PPP1R3B: variants seen among roughly 807,000 people sequenced by gnomAD.
PPP1R3B encodes PP1 subunit R4.
In PPP1R3B, 8 loss-of-function variants were observed where a neutral mutation model predicts 14.6. That is an observed-to-expected ratio of 0.55 (90% CI 0.32 to 0.99). PPP1R3B has a LOEUF of 0.99. Among genes scored for constraint, PPP1R3B ranks in the 50% least tolerant of loss-of-function variants. The pLI, the probability that PPP1R3B is intolerant of heterozygous loss-of-function variation, is 0.04. For synonymous variants in PPP1R3B, 169 were observed against 142.0 expected (o/e 1.19, Z -1.35); for missense variants, 452 against 360.1 (o/e 1.26, Z -2.07).
chr8:9,147,845 A>T (rs1251674245), intron 1 of PPP1R3B, among the ~76,000 whole-genome samples: 1 of 152,086 alleles, frequency 6.6e-6, no homozygotes, highest in Non-Finnish European at 1.5e-5. Context: ...TTCTTCCATG[A>T]AAGGCAAAAG....
intron 1 of PPP1R3B, among the ~76,000 whole-genome samples, chr8:9,143,328 G>GA (rs71280798): frequency 0.036 from 5,530 of 152,268 alleles, 117 homozygotes; most frequent in Non-Finnish European, 0.053. Context: ...AAGATACTGG[G>GA]ATTCAATAGT....
chr8:9,141,625 T>G lies in PPP1R3B; in HGVS notation c.27A>C (p.Arg9Ser). The change falls in exon 2 of 2, where the codon AGA becomes AGC. Residue 9 changes from arginine to serine, a missense_variant. By Grantham distance (110) the Arg-to-Ser change is moderately radical (BLOSUM62 -1). Coordinates refer to ENST00000310455, the MANE Select transcript of PPP1R3B (RefSeq NM_024607.4). MMAVDIEYRYNCMAPSLRQ... is the reference protein window; with the variant it reads MMAVDIEYSYNCMAPSLRQ... ...GCAAGGAAGGAGCCATGCAGTTGTATCTGTACTCGATGTCCACAGCCATCA... is the reference window on the plus strand; with the variant it reads ...GCAAGGAAGGAGCCATGCAGTTGTAGCTGTACTCGATGTCCACAGCCATCA... The G allele has an allele frequency of 6.2e-7, 1 of 1,613,796 alleles. No individual in the cohort carries two copies. The highest frequency in any genetic ancestry group is 8.5e-7 in the Non-Finnish European group (1 of 1,179,960).
rs1800923065 is a variant in PPP1R3B at position 9,137,417 on chromosome 8, G to C, written c.*3377C>G. The stretch of plus-strand genomic sequence containing the variant: ...CTGGGAAAGATTCTGGGACTCGGGG[G>C]CCACTTGTAACCATAACCAAGAGCT... On this transcript the variant is annotated 3_prime_UTR_variant, in exon 2 of 2. Transcript: ENST00000310455. 6.6e-6 allele frequency: 1 copy of C among 152,160 alleles called. No homozygotes were observed. Among genetic ancestry groups the C allele is most frequent in the Non-Finnish European group, 1.5e-5 (1 of 68,040 alleles). The allele number at this position is 152,160 out of a possible 1,614,324, so 9.4% of individuals were successfully genotyped here.
At chr8:9,141,881 G>C (rs1490029367) in intron 1 of PPP1R3B, 1 of 133,810 alleles carries the variant, frequency 7.5e-6, no homozygotes. Context: ...GCGGTGGGGG[G>C]TGGGGGGTGC....
rs1801025549 is a variant in PPP1R3B, at chr8:9,140,174, T to A, written c.*620A>T. The A allele has an allele frequency of 6.4e-6, 1 of 156,194 alleles. No homozygotes were observed. The highest frequency in any genetic ancestry group is 2.4e-5 in the African/African-American group (1 of 41,626). 9.7% of individuals were successfully genotyped at this position (156,194 alleles called of 1,614,324 possible). On this transcript the variant is annotated 3_prime_UTR_variant, in exon 2 of 2. Transcript: ENST00000310455. ...CACTAACTAATTTGCCTTTATTATCTTTTCCTGAACATCAGATCAATTGTG... is the reference window on the plus strand; with the variant it reads ...CACTAACTAATTTGCCTTTATTATCATTTCCTGAACATCAGATCAATTGTG...
At chr8:9,148,255 ATGAAAATGATCG>A (rs1182950591) in intron 1 of PPP1R3B, among the ~76,000 whole-genome samples, 1 of 152,190 alleles carries the variant, frequency 6.6e-6, no homozygotes, top group Non-Finnish European at 1.5e-5. Flanking sequence ...TACAAATGAC[ATGAAAATGATCG>A]GTTCCAACAC....
At position 9,141,065 on chromosome 8, in the gene PPP1R3B, A is replaced by T; in HGVS notation, c.587T>A (p.Ile196Asn). The T allele has an allele frequency of 6.2e-7, 1 of 1,614,166 alleles. No individual in the cohort carries two copies. The change falls in exon 2 of 2, where the codon ATC (isoleucine) becomes AAC (asparagine). Residue 196 changes from isoleucine (I) to asparagine (N), a missense_variant. Transcript: ENST00000310455. Reference sequence around the variant, plus strand: ...AGACTGAATCTTCTCGGGCAAGCTGATGTCGAAGGAGAACGTGTCCCTGTC... The same window carrying T: ...AGACTGAATCTTCTCGGGCAAGCTGTTGTCGAAGGAGAACGTGTCCCTGTC... Reference protein sequence around the residue: ...GSDRDTFSFDISLPEKIQSYE... With the variant: ...GSDRDTFSFDNSLPEKIQSYE...
Position 9,140,936 on chromosome 8 carries a change from G to C in PPP1R3B, c.716C>G (p.Ser239Cys), listed in dbSNP as rs781544006. The C allele has an allele frequency of 6.2e-7, 1 of 1,614,226 alleles. No homozygotes were observed. Among genetic ancestry groups the C allele is most frequent in the Non-Finnish European group, 8.5e-7 (1 of 1,180,030 alleles). The change falls in exon 2 of 2, where the codon TCT (serine) becomes TGT (cysteine). Residue 239 changes from serine (S) to cysteine (C), a missense_variant. Physicochemically the swap from Ser to Cys is moderately radical, Grantham distance 112. Transcript: ENST00000310455. Reference sequence around the variant, plus strand: ...GTGGGGCTTGGTCATTCCCTGGGTAGATTTTAACTCAGCCCGGATGATCCT... The same window carrying C: ...GTGGGGCTTGGTCATTCCCTGGGTACATTTTAACTCAGCCCGGATGATCCT... ...NYRIIRAELK[S>C]TQGMTKPHSG...
chr8:9,142,700 C>T (rs1432039824), intron 1 of PPP1R3B, among the ~76,000 whole-genome samples: 1 of 152,118 alleles, frequency 6.6e-6, no homozygotes, highest in Non-Finnish European at 1.5e-5. Context: ...GGTAGCCACC[C>T]CTGTACTCTC....
At chr8:9,147,086 GAT>G (rs1328690349) in intron 1 of PPP1R3B, among the ~76,000 whole-genome samples, 1 of 151,834 alleles carries the variant, frequency 6.6e-6, no homozygotes, top group Admixed American at 6.6e-5. Flanking sequence ...GGGTTCAAGC[GAT>G]TCTCCTGCCT....
Position 9,141,209 on chromosome 8 carries a change from G to A in PPP1R3B, c.443C>T (p.Thr148Ile), listed in dbSNP as rs773965543. 3 of 1,614,014 alleles carry A rather than the reference G, an allele frequency of 1.9e-6. No individual in the cohort carries two copies. In the African/African-American group the frequency reaches 4.0e-5, roughly 22 times the overall value. The change falls in exon 2 of 2, where the codon ACT becomes ATT. Residue 148 changes from threonine (T) to isoleucine (I), a missense_variant. Coordinates refer to ENST00000310455, the MANE Select transcript of PPP1R3B (RefSeq NM_024607.4). ...AAATGCGAGGTTCTGAACCTTCACAGTGCCTGCAATGGCCTTGTCCTTGAG... is the reference window on the plus strand; with the variant it reads ...AAATGCGAGGTTCTGAACCTTCACAATGCCTGCAATGGCCTTGTCCTTGAG... ...CVLKDKAIAGTVKVQNLAFEK... is the reference protein window; with the variant it reads ...CVLKDKAIAGIVKVQNLAFEK...
intron 1 of PPP1R3B, among the ~76,000 whole-genome samples, chr8:9,148,991 T>G (rs1413645166): frequency 6.8e-6 from 1 of 147,506 alleles, no homozygotes; most frequent in Non-Finnish European, 1.5e-5. Flanking sequence ...ATCGAGACCA[T>G]CCTGGCGAAC....
chr8:9,140,652 G>A lies in PPP1R3B; in HGVS notation c.*142C>T, dbSNP rs1801043617. On this transcript the variant is annotated 3_prime_UTR_variant, in exon 2 of 2. Coordinates refer to ENST00000310455, the MANE Select transcript of PPP1R3B (RefSeq NM_024607.4). ...GCTGGATTTGCTGTTTAAGAAAGAA[G>A]TGAAGAGGATCCTTTTATTTTCCCA... 2 of 817,408 alleles carry A rather than the reference G, an allele frequency of 2.4e-6. No homozygotes were observed. The highest frequency in any genetic ancestry group is 3.4e-5 in the African/African-American group (2 of 58,342). The allele number at this position is 817,408 out of a possible 1,614,324, so 50.6% of individuals were successfully genotyped here.
rs773767218 is a variant in PPP1R3B at position 9,140,747 on chromosome 8, C to T, written c.*47G>A. The T allele has an allele frequency of 1.3e-6, 2 of 1,597,250 alleles. No individual in the cohort carries two copies. The highest frequency in any genetic ancestry group is 1.1e-5 in the South Asian group (1 of 88,576). On this transcript the variant is annotated 3_prime_UTR_variant, in exon 2 of 2. Transcript: ENST00000310455. Reference sequence around the variant, plus strand: ...CATCTCCACTGCACAGTGAGCAGAGCTAGGCTTGTCTGTGGCAGCTCCGCC... The same window carrying T: ...CATCTCCACTGCACAGTGAGCAGAGTTAGGCTTGTCTGTGGCAGCTCCGCC...
rs2117591856 is a variant in PPP1R3B at position 9,138,787 on chromosome 8, AC to A, written c.*2006del. On this transcript the variant is annotated 3_prime_UTR_variant, in exon 2 of 2. Coordinates refer to ENST00000310455, the MANE Select transcript of PPP1R3B (RefSeq NM_024607.4). Reference sequence around the variant, plus strand: ...TCGTTTAACCAAACTCCAAAAACAAACAAAAATAGAAAATAAAAAACCAACT... The same window carrying A: ...TCGTTTAACCAAACTCCAAAAACAAAAAAAATAGAAAATAAAAAACCAACT... The A allele has an allele frequency of 6.6e-6, 1 of 152,344 alleles. No individual in the cohort carries two copies. The highest frequency in any genetic ancestry group is 1.9e-4 in the East Asian group (1 of 5,192). The allele number at this position is 152,344 out of a possible 1,614,324, so 9.4% of individuals were successfully genotyped here. A position where few individuals can be genotyped will look rare whatever the true frequency, so the allele number is the denominator to read the frequency against.
chr8:9,144,902 C>G (rs1441338847), intron 1 of PPP1R3B, among the ~76,000 whole-genome samples: 2 of 152,096 alleles, frequency 1.3e-5, no homozygotes, highest in Admixed American at 1.3e-4. Context: ...TCTGCCACCA[C>G]GCCCAGCTAA....
chr8:9,145,295 C>G (rs565993012), intron 1 of PPP1R3B: 1 of 152,442 alleles, frequency 6.6e-6, no homozygotes, highest in South Asian at 2.1e-4. Flanking sequence ...CGCCCTGAGA[C>G]AGCAAGACCA....
rs1374456547 is a variant in PPP1R3B, at chr8:9,141,357, T to C, written c.295A>G (p.Ile99Val). The change falls in exon 2 of 2, where the codon ATT becomes GTT. Residue 99 changes from isoleucine (I) to valine (V), a missense_variant. Physicochemically the swap from Ile to Val is conservative, Grantham distance 29. Coordinates refer to ENST00000310455, the MANE Select transcript of PPP1R3B (RefSeq NM_024607.4). ...PFNITELLDN[I>V]VSLTTAESES... ...CTCTCTGCTGTCGTCAAGCTCACAA[T>C]GTTGTCTAGGAGCTCGGTGATGTTG... is the stretch of plus-strand genomic sequence containing the variant. 4 of 1,614,208 alleles carry C rather than the reference T, an allele frequency of 2.5e-6. No homozygotes were observed. The South Asian group carries it at 3.3e-5, about 13-fold the overall frequency.
rs374332380 is a variant in PPP1R3B at position 9,150,125 on chromosome 8, C to G, written c.-18+438G>C. 3.3e-5 allele frequency among the ~76,000 whole-genome samples: 5 copies of G among 152,280 alleles called. No homozygotes were observed. The East Asian group carries it at 5.8e-4, about 18-fold the overall frequency. On this transcript the variant is annotated intron_variant, in intron 1 of 1. Transcript: ENST00000310455. The stretch of plus-strand genomic sequence containing the variant: ...CTTCACTTTAGTTTTGGCTCCTGGA[C>G]AACTCTGCCCAAGGAAACATTTCCT...
Sources: allele counts gnomAD v4.1 joint callset (sites outside exome capture counted in the v4.1 genomes callset), GRCh38; gene constraint gnomAD v4.1.1; transcripts MANE v1.5; gene names NCBI Gene and HGNC (gene_info 2026-07-23, HGNC 2026-07-21).